Variants in PPEF1 observed in about 807,000 individuals in gnomAD.
PPEF1 encodes the protein protein phosphatase with EF-hand domain 1, also known as serine/threonine-protein phosphatase with EF-hands 1.
Under a neutral mutation model 53.3 loss-of-function variants are expected in PPEF1, and 12 were observed. That is an observed-to-expected ratio of 0.23 (90% CI 0.14 to 0.36). The LOEUF (loss-of-function observed/expected upper bound fraction) is 0.36. PPEF1 is among the 10% of genes least tolerant of loss of function. The pLI is 1.00. For missense variants in PPEF1, 334 were observed against 490.4 expected (o/e 0.68, Z 3.01); for synonymous variants, 165 against 176.7 (o/e 0.93, Z 0.52).
chrX:18,802,710 T>C (rs1300685235), intron 10 of PPEF1, among the ~76,000 whole-genome samples: 1 of 111,934 alleles, frequency 8.9e-6, no homozygotes, highest in Admixed American at 9.5e-5. Context: ...TCTTTGAACA[T>C]ATTAAGACAC....
chrX:18,783,725 A>G (rs1377096973), intron 8 of PPEF1, among the ~76,000 whole-genome samples, 174 bp from the exon 9 acceptor site: 1 of 110,601 alleles, frequency 9.0e-6, no homozygotes, highest in Non-Finnish European at 1.9e-5. Flanking sequence ...CAAAAAAAAA[A>G]CAAAAACAAA....
At chrX:18,703,099 C>T (rs770552865), upstream of PPEF1, among the ~76,000 whole-genome samples, 3 of 110,931 alleles carry the variant, frequency 2.7e-5, no homozygotes, top group South Asian at 4.0e-4. Context: ...ATCAGCTTTA[C>T]GTCAGAGATG....
intron 13 of PPEF1, among the ~76,000 whole-genome samples, chrX:18,819,827 T>C (rs1025633526): frequency 2.7e-5 from 3 of 112,104 alleles, no homozygotes; most frequent in African/African-American, 9.7e-5. Flanking sequence ...ATTTCCAGAA[T>C]TGATAAAAGA....
chrX:18,765,107 A>T (rs1488694261), intron 6 of PPEF1, among the ~76,000 whole-genome samples: 1 of 111,990 alleles, frequency 8.9e-6, no homozygotes, highest in African/African-American at 3.2e-5. Flanking sequence ...GGAAATGGAG[A>T]TTGCTAGCCC....
chrX:18,720,546 C>G (rs961903639), intron 1 of PPEF1, among the ~76,000 whole-genome samples: 1 of 110,150 alleles, frequency 9.1e-6, no homozygotes, highest in African/African-American at 3.3e-5. Context: ...GAGCCAAGAT[C>G]GCGCCACTGC....
At chrX:18,756,324 C>G (rs1053976366) in intron 4 of PPEF1, among the ~76,000 whole-genome samples, 1 of 109,506 alleles carries the variant, frequency 9.1e-6, no homozygotes, top group African/African-American at 3.3e-5. Flanking sequence ...GGACTACAGG[C>G]GCGCCCCACC....
At position 18,709,509 on chromosome X, in the gene PPEF1, G is replaced by GT. The variant is rs57543315; in HGVS notation, c.46+1691dup. Among the ~76,000 whole-genome samples, 24 of 101,852 alleles carry GT rather than the reference G, an allele frequency of 2.4e-4. 1 individual carries two copies. Among genetic ancestry groups the GT allele is most frequent in the African/African-American group, 4.7e-4 (13 of 27,385 alleles). The allele number at this position is 101,852 out of a possible 115,157, so 88.4% of individuals were successfully genotyped here. A position where few individuals can be genotyped will look rare whatever the true frequency, so the allele number is the denominator to read the frequency against. Reference sequence around the variant, plus strand: ...GTTTCAGCTTTGTTTTTTGTTTTTTGTTTTTTTTGAGACAGTCTTGCTCTG... The same window carrying GT: ...GTTTCAGCTTTGTTTTTTGTTTTTTGTTTTTTTTTGAGACAGTCTTGCTCTG... On this transcript the variant is annotated intron_variant, in intron 1 of 15. Transcript: ENST00000470157.
rs2045357371 is a variant in PPEF1, at chrX:18,747,617, G to A, written c.236-2175G>A. ...CTCCTGAGTAGCTGGGATTATAGGC[G>A]CACGCCACTATGCCCAGCTAGTTTT... On this transcript the variant is annotated intron_variant, in intron 3 of 15. Transcript: ENST00000470157. Among the ~76,000 whole-genome samples, 5 of 111,930 alleles carry A rather than the reference G, an allele frequency of 4.5e-5. No individual in the cohort carries two copies. In the South Asian group the frequency reaches 1.9e-3, roughly 42 times the overall value.
At chrX:18,806,785 C>A (rs1033441757) in intron 12 of PPEF1, among the ~76,000 whole-genome samples, 1 of 111,766 alleles carries the variant, frequency 8.9e-6, no homozygotes, top group Non-Finnish European at 1.9e-5. Context: ...CCCTCAGAAA[C>A]GTAACTGAAT....
chrX:18,795,767 A>G lies in PPEF1; in HGVS notation c.1065+6494A>G, dbSNP rs1016529117. On this transcript the variant is annotated intron_variant, in intron 10 of 15. Transcript: ENST00000470157. The stretch of plus-strand genomic sequence containing the variant: ...CTTAAAGCAACCTGATGACGTAGAT[A>G]ATATTATTCCTATTTCCCGAAAGAG... 2.7e-5 allele frequency among the ~76,000 whole-genome samples: 3 copies of G among 112,139 alleles called. No homozygotes were observed. In the Admixed American group the frequency reaches 2.8e-4, roughly 11 times the overall value.
At chrX:18,747,581 C>T (rs1254045046) in intron 3 of PPEF1, among the ~76,000 whole-genome samples, 1 of 112,388 alleles carries the variant, frequency 8.9e-6, no homozygotes, top group Non-Finnish European at 1.9e-5. Flanking sequence ...GGCTCATCCT[C>T]CTGCCTCAGC....
At chrX:18,677,705 G>A (rs1293994787) in intron 1 of PPEF1, among the ~76,000 whole-genome samples, 2 of 111,462 alleles carry the variant, frequency 1.8e-5, no homozygotes, top group African/African-American at 6.5e-5. Flanking sequence ...TCCCCTGCCA[G>A]CCACCGTCTG....
intron 4 of PPEF1, among the ~76,000 whole-genome samples, chrX:18,695,102 G>A (rs370364596): frequency 8.9e-4 from 100 of 112,097 alleles, no homozygotes; most frequent in African/African-American, 3.0e-3. Flanking sequence ...TGTTGACTGG[G>A]CTGCTGTCAT....
At chrX:18,787,101 A>G (rs2046220618) in intron 9 of PPEF1, among the ~76,000 whole-genome samples, 1 of 112,184 alleles carries the variant, frequency 8.9e-6, no homozygotes, top group African/African-American at 3.2e-5. Context: ...TGTATTAAAT[A>G]TCATTGAACT....
At chrX:18,771,842 T>C (rs1418844512) in intron 6 of PPEF1, among the ~76,000 whole-genome samples, 1 of 111,740 alleles carries the variant, frequency 8.9e-6, no homozygotes, top group East Asian at 2.8e-4. Context: ...AGGCCAGGTG[T>C]AGTAGCTCAT....
At chrX:18,825,089 T>A (rs2047141797) in intron 14 of PPEF1, among the ~76,000 whole-genome samples, 1 of 112,066 alleles carries the variant, frequency 8.9e-6, no homozygotes, top group Non-Finnish European at 1.9e-5. Context: ...TGTAGAAATC[T>A]TTTCTTAGAA....
chrX:18,819,928 A>G (rs2046999247), intron 13 of PPEF1, among the ~76,000 whole-genome samples: 3 of 111,895 alleles, frequency 2.7e-5, no homozygotes, highest in African/African-American at 9.7e-5. Context: ...ACTCCAGAGC[A>G]CCAGTAGCAA....
intron 15 of PPEF1, 133 bp from the exon 16 acceptor site, chrX:18,827,143 C>T (rs187624803): frequency 1.4e-5 from 7 of 485,325 alleles, no homozygotes; most frequent in African/African-American, 4.8e-5. Flanking sequence ...TCTTCCATAT[C>T]CTTCAGTATC....
In PPEF1 at chrX:18,766,690, C is replaced by T. The variant is rs771149159; in HGVS notation, c.558+5114C>T. ...TGAGTTTGCCTGTCTGGCTACCCAC[C>T]CCACAGCAGATTAGGGAGTGGGAGG... On this transcript the variant is annotated intron_variant, in intron 6 of 15. Transcript: ENST00000470157. Among the ~76,000 whole-genome samples, 3 of 112,231 alleles carry T rather than the reference C, an allele frequency of 2.7e-5. No homozygotes were observed. In the East Asian group the frequency reaches 8.4e-4, roughly 31 times the overall value.
Sources: gnomAD v4.1 joint callset for allele counts (sites outside exome capture counted in the v4.1 genomes callset) on GRCh38, gnomAD v4.1.1 for gene constraint, MANE v1.5 for transcripts, NCBI Gene and HGNC (gene_info 2026-07-23, HGNC 2026-07-21) for gene names.